Variants in ZNF347 observed in about 807,000 individuals in gnomAD.
The protein encoded by ZNF347 is CTD-2620I22.7.
In ZNF347, 19 loss-of-function variants were observed where a neutral mutation model predicts 12.9. That is an observed-to-expected ratio of 1.47 (90% CI 1.03 to 2.16). The LOEUF is 2.16. ZNF347 is among the 30% of genes most tolerant of loss of function. ZNF347 has a pLI of 0.00. For synonymous variants in ZNF347, 328 were observed against 340.6 expected (o/e 0.96, Z 0.41); for missense variants, 1,005 against 990.6 (o/e 1.01, Z -0.19).
chr19:53,143,423 T>C (rs2090442823), intron 4 of ZNF347, among the ~76,000 whole-genome samples: 1 of 129,760 alleles, frequency 7.7e-6, no homozygotes, highest in African/African-American at 2.9e-5. Flanking sequence ...TTCCCCTTCC[T>C]GTGTCCATGT....
Position 53,148,685 on chromosome 19 carries a change from G to A in ZNF347, c.267C>T (p.Ile89=). 1 of 1,612,264 alleles carries A rather than the reference G, an allele frequency of 6.2e-7. No homozygotes were observed. Among genetic ancestry groups the A allele is most frequent in the African/African-American group, 1.3e-5 (1 of 74,982 alleles). The change falls in exon 4 of 5, where the codon ATC becomes ATT. Residue 89 remains isoleucine, a synonymous_variant. Coordinates refer to ENST00000334197, the MANE Select transcript of ZNF347 (RefSeq NM_032584.3). ...TCTACCCATCTGAACTCTTACCTGT[G>A]ATCACAGCTTTGATCCATTCCCATC... ...PDGWEWIKAV[I]TALSSEFVMK...
Position 53,141,143 on chromosome 19 carries a change from A to G in ZNF347, c.1685T>C (p.Ile562Thr). The G allele has an allele frequency of 6.2e-7, 1 of 1,613,964 alleles. No individual in the cohort carries two copies. The highest frequency in any genetic ancestry group is 2.2e-5 in the East Asian group (1 of 44,870). The change falls in exon 5 of 5, where the codon ATC becomes ACC. Residue 562 changes from isoleucine to threonine, a missense_variant. Transcript: ENST00000334197. ...TTTGTAAGGTTTTTCTCCAGTATGG[A>G]TGACCTGATGGGTAGTTAGGCTTGA... ...VYSSLTTHQV[I>T]HTGEKPYKCN...
At position 53,142,042 on chromosome 19, in the gene ZNF347, T is replaced by C; in HGVS notation, c.786A>G (p.Lys262=). Residue 262 remains lysine (K), a synonymous_variant, in exon 5 of 5, where the codon AAA becomes AAG. Transcript: ENST00000334197. ...QKANNWGSPY[K]SNGCGMVFPQ... is the part of the protein sequence containing the mutation. ...GAAAGACCATGCCACATCCATTAGA[T>C]TTGTAAGGGCTTCCCCAATTATTTG... The C allele has an allele frequency of 6.2e-7, 1 of 1,613,958 alleles. No individual in the cohort carries two copies. The highest frequency in any genetic ancestry group is 8.5e-7 in the Non-Finnish European group (1 of 1,179,978).
Position 53,141,892 on chromosome 19 carries a change from AGTAT to A in ZNF347, c.932_935del (p.His311LeufsTer50). The A allele has an allele frequency of 6.2e-7, 1 of 1,613,792 alleles. No homozygotes were observed. Among genetic ancestry groups the A allele is most frequent in the Non-Finnish European group, 8.5e-7 (1 of 1,179,916 alleles). On this transcript the variant is annotated frameshift_variant, in exon 5 of 5. Coordinates refer to ENST00000334197, the MANE Select transcript of ZNF347 (RefSeq NM_032584.3). LOFTEE classifies it low-confidence loss of function (END_TRUNC). ...CATTACATTTGTAACGTTTTTCGCC[AGTAT>A]GGATCACCTGATGGGTAGTTAGGTT...
chr19:53,148,965 A>G lies in ZNF347; in HGVS notation c.143-156T>C. On this transcript the variant is annotated intron_variant, in intron 3 of 4. Coordinates refer to ENST00000334197, the MANE Select transcript of ZNF347 (RefSeq NM_032584.3). ...TCTTTATAAATTGTTAGGAAACACT[A>G]TAATATGCAAATATATAGCTCTCAT... is the stretch of plus-strand genomic sequence containing the variant. 3 of 1,150,884 alleles carry G rather than the reference A, an allele frequency of 2.6e-6. No individual in the cohort carries two copies. In the South Asian group the frequency reaches 4.9e-5, roughly 19 times the overall value. 71.3% of individuals were successfully genotyped at this position (1,150,884 alleles called of 1,614,324 possible). A position where few individuals can be genotyped will look rare whatever the true frequency, so the allele number is the denominator to read the frequency against.
intron 4 of ZNF347, 42 bp downstream of exon 4, chr19:53,148,639 T>G (rs1197578803): frequency 6.3e-7 from 1 of 1,588,270 alleles, no homozygotes; most frequent in Non-Finnish European, 8.6e-7. Context: ...TCCCAAACAC[T>G]ATTTAATAAA....
In ZNF347 at chr19:53,139,359, G is replaced by A. The variant is rs1273747057; in HGVS notation, c.*949C>T. On this transcript the variant is annotated 3_prime_UTR_variant, in exon 5 of 5. Coordinates refer to ENST00000334197, the MANE Select transcript of ZNF347 (RefSeq NM_032584.3). ...TTCTTCAATAAACATGGATAAAAAT[G>A]ATCCTCATGTAATGAAGTAAGCCTT... 1 of 152,110 alleles carries A rather than the reference G, an allele frequency of 6.6e-6. No individual in the cohort carries two copies. The highest frequency in any genetic ancestry group is 2.4e-5 in the African/African-American group (1 of 41,426). 9.4% of individuals were successfully genotyped at this position (152,110 alleles called of 1,614,324 possible).
At chr19:53,157,190 C>T (rs767167292) in intron 1 of ZNF347, among the ~76,000 whole-genome samples, 8 of 152,258 alleles carry the variant, frequency 5.3e-5, no homozygotes, top group East Asian at 1.9e-4. Context: ...GCACGTGTTA[C>T]GCATTTTACA....
rs761421332 is a variant in ZNF347 at position 53,141,492 on chromosome 19, T to A, written c.1336A>T (p.Ile446Phe). Reference protein sequence around the residue: ...KAFGVRSSLAIHLVIHTGEKP... With the variant: ...KAFGVRSSLAFHLVIHTGEKP... ...TCTCCGGTGTGAATTACCAGATGAA[T>A]AGCTAGGCTTGAACGAACACCAAAG... The change falls in exon 5 of 5, where the codon ATT becomes TTT. Residue 446 changes from isoleucine (I) to phenylalanine (F), a missense_variant. By Grantham distance (21) the Ile-to-Phe change is conservative. Transcript: ENST00000334197. 1 of 1,614,130 alleles carries A rather than the reference T, an allele frequency of 6.2e-7. No individual in the cohort carries two copies. Among genetic ancestry groups the A allele is most frequent in the Admixed American group, 1.7e-5 (1 of 60,012 alleles).
At chr19:53,147,051 C>A (rs572767964) in intron 4 of ZNF347, among the ~76,000 whole-genome samples, 3 of 151,884 alleles carry the variant, frequency 2.0e-5, no homozygotes, top group African/African-American at 4.8e-5. Flanking sequence ...GCCTGGGAAA[C>A]ACAGCAAGAC....
At chr19:53,148,887 G>T in intron 3 of ZNF347, 78 bp from the exon 4 acceptor site, 1 of 1,531,178 alleles carries the variant, frequency 6.5e-7, no homozygotes, top group South Asian at 1.3e-5. Flanking sequence ...GAGGAGGGAG[G>T]ACTTTACAGC....
intron 1 of ZNF347, among the ~76,000 whole-genome samples, chr19:53,156,356 T>C (rs961030985): frequency 6.6e-6 from 1 of 151,836 alleles, no homozygotes; most frequent in Non-Finnish European, 1.5e-5. Flanking sequence ...TGAGCCAAGA[T>C]TGCGCCACTG....
At chr19:53,157,225 T>C (rs567987116) in intron 1 of ZNF347, among the ~76,000 whole-genome samples, 2 of 152,264 alleles carry the variant, frequency 1.3e-5, no homozygotes, top group Non-Finnish European at 2.9e-5. Flanking sequence ...CCATTCTCAT[T>C]TGCAACTGCA....
intron 4 of ZNF347, among the ~76,000 whole-genome samples, chr19:53,144,561 TA>T (rs905342597): frequency 2.8e-4 from 41 of 148,662 alleles, no homozygotes; most frequent in African/African-American, 6.4e-4. Flanking sequence ...AGAAAACCAA[TA>T]AAAAAAAAAT....
chr19:53,135,331 T>TAGAGAGAGAG lies in ZNF347; in HGVS notation c.*4976_*4977insCTCTCTCTCT. 1 of 57,758 alleles carries TAGAGAGAGAG rather than the reference T, an allele frequency of 1.7e-5. No homozygotes were observed. The highest frequency in any genetic ancestry group is 7.3e-5 in the African/African-American group (1 of 13,706). 3.6% of individuals were successfully genotyped at this position (57,758 alleles called of 1,614,324 possible). ...ATATATATATATATATATATATATA[T>TAGAGAGAGAG]ATATATATAGAGAGAGAGAGAGAGA... On this transcript the variant is annotated 3_prime_UTR_variant, in exon 5 of 5. Coordinates refer to ENST00000334197, the MANE Select transcript of ZNF347 (RefSeq NM_032584.3).
At chr19:53,155,796 C>T (rs2090529822) in intron 1 of ZNF347, among the ~76,000 whole-genome samples, 1 of 152,098 alleles carries the variant, frequency 6.6e-6, no homozygotes, top group Admixed American at 6.6e-5. Context: ...GTACATGGTA[C>T]ACAATTGCAG....
At position 53,140,290 on chromosome 19, in the gene ZNF347, T is replaced by C; in HGVS notation, c.*18A>G. 1 of 1,523,692 alleles carries C rather than the reference T, an allele frequency of 6.6e-7. No homozygotes were observed. The highest frequency in any genetic ancestry group is 8.8e-7 in the Non-Finnish European group (1 of 1,138,150). 94.4% of individuals were successfully genotyped at this position (1,523,692 alleles called of 1,614,324 possible). A position where few individuals can be genotyped will look rare whatever the true frequency, so the allele number is the denominator to read the frequency against. ...TAACTGCAAAAGTTACCACCTTCAT[T>C]TGTAAGGTTTCTCTCCACTATGAAT... On this transcript the variant is annotated 3_prime_UTR_variant, in exon 5 of 5. Coordinates refer to ENST00000334197, the MANE Select transcript of ZNF347 (RefSeq NM_032584.3).
rs1351334002 is a variant in ZNF347 at position 53,138,180 on chromosome 19, A to C, written c.*2128T>G. On this transcript the variant is annotated 3_prime_UTR_variant, in exon 5 of 5. Coordinates refer to ENST00000334197, the MANE Select transcript of ZNF347 (RefSeq NM_032584.3). ...ACCCAGGCTGGAGTGCAATGGCGCGATCTTGGCTCACTGCAACCTCTGCCT... is the reference window on the plus strand; with the variant it reads ...ACCCAGGCTGGAGTGCAATGGCGCGCTCTTGGCTCACTGCAACCTCTGCCT... 1 of 152,024 alleles carries C rather than the reference A, an allele frequency of 6.6e-6. No individual in the cohort carries two copies. The highest frequency in any genetic ancestry group is 1.5e-5 in the Non-Finnish European group (1 of 68,246). 9.4% of individuals were successfully genotyped at this position (152,024 alleles called of 1,614,324 possible). A position where few individuals can be genotyped will look rare whatever the true frequency, so the allele number is the denominator to read the frequency against.
At position 53,141,848 on chromosome 19, in the gene ZNF347, C is replaced by G. The variant is rs749167518; in HGVS notation, c.980G>C (p.Ser327Thr). The G allele has an allele frequency of 3.1e-6, 5 of 1,613,932 alleles. No homozygotes were observed. In the East Asian group the frequency reaches 1.1e-4, roughly 36 times the overall value. The change falls in exon 5 of 5, where the codon AGT becomes ACT. Residue 327 changes from serine to threonine, a missense_variant. Ser to Thr is a moderately conservative substitution (Grantham distance 58). Coordinates refer to ENST00000334197, the MANE Select transcript of ZNF347 (RefSeq NM_032584.3). Reference sequence around the variant, plus strand: ...ATGTTGTGAGAGTTGTGAATTTCGACTAAAGACCTTACCACACTCATTACA... The same window carrying G: ...ATGTTGTGAGAGTTGTGAATTTCGAGTAAAGACCTTACCACACTCATTACA... ...YKCNECGKVFSRNSQLSQHQK... is the reference protein window; with the variant it reads ...YKCNECGKVFTRNSQLSQHQK...
Sources: allele counts gnomAD v4.1 joint callset (sites outside exome capture counted in the v4.1 genomes callset), GRCh38; gene constraint gnomAD v4.1.1; transcripts MANE v1.5; gene names NCBI Gene and HGNC (gene_info 2026-07-23, HGNC 2026-07-21).